The following CFAP69 variants were observed in gnomAD, a reference collection of about 807,000 sequenced individuals.
CFAP69 encodes the protein cilia- and flagella-associated protein 69.
CFAP69 carries 92 observed loss-of-function variants against 123.0 expected under a neutral mutation model. That is an observed-to-expected ratio of 0.75 (90% CI 0.63 to 0.89). The LOEUF is 0.89. Ranked by LOEUF, CFAP69 falls within the 40% of genes least tolerant of loss-of-function variation. The pLI, the probability that CFAP69 is intolerant of heterozygous loss-of-function variation, is 0.00. For missense variants in CFAP69, 1,067 were observed against 1,096.9 expected (o/e 0.97, Z 0.39); for synonymous variants, 380 against 364.3 (o/e 1.04, Z -0.49).
chr7:90,295,244 C>A (rs1422602731), intron 15 of CFAP69, among the ~76,000 whole-genome samples: 1 of 152,206 alleles, frequency 6.6e-6, no homozygotes, highest in African/African-American at 2.4e-5. Flanking sequence ...GGGCCTCTAA[C>A]TTCCTAAATC....
intron 1 of CFAP69, among the ~76,000 whole-genome samples, chr7:90,251,509 T>G (rs17865828): frequency 0.046 from 6,970 of 152,294 alleles, 215 homozygotes; most frequent in South Asian, 0.11. Flanking sequence ...TTGTCACATA[T>G]AGTCTGACCA....
In CFAP69 at chr7:90,286,372, C is replaced by T. The variant is rs2117132992; in HGVS notation, c.1629C>T (p.Gly543=). The T allele has an allele frequency of 6.2e-7, 1 of 1,611,628 alleles. No homozygotes were observed. Among genetic ancestry groups the T allele is most frequent in the South Asian group, 1.1e-5 (1 of 90,538 alleles). ...CTGATATATTACTTATCCTATCTGG[C>T]CTTTGTGAGAATCACATTCAAAGGA... ...IQSDILLILS[G]LCENHIQRKE... Residue 543 remains glycine (G), a synonymous_variant, in exon 14 of 23, where the codon GGC becomes GGT. Transcript: ENST00000389297.
rs1356862538 is a variant in CFAP69, at chr7:90,288,318, A to G, written c.1741A>G (p.Asn581Asp). 1 of 1,611,702 alleles carries G rather than the reference A, an allele frequency of 6.2e-7. No homozygotes were observed. The highest frequency in any genetic ancestry group is 2.2e-5 in the East Asian group (1 of 44,770). Residue 581 changes from asparagine (N) to aspartate (D), a missense_variant, in exon 15 of 23, where the codon AAT becomes GAT. Coordinates refer to ENST00000389297, the MANE Select transcript of CFAP69 (RefSeq NM_001039706.3). ...GAAGTTACAGAGTGGCTTAGGCTAT[A>G]ATGTACTTCTTTTTAGTACATTGGA... ...PRKLQSGLGY[N>D]VLLFSTLDSI...
At chr7:90,319,895 T>C in the CFAP69 span, 1 of 396,686 alleles carries the variant, frequency 2.5e-6, no homozygotes, top group East Asian at 3.6e-5. Flanking sequence ...TCTAAATTAC[T>C]GATTATCACA....
intron 12 of CFAP69, among the ~76,000 whole-genome samples, chr7:90,281,988 A>C (rs972422387): frequency 1.3e-5 from 2 of 152,120 alleles, no homozygotes; most frequent in African/African-American, 4.8e-5. Flanking sequence ...ACATTGAAAA[A>C]CTCTAAATCC....
At chr7:90,288,411 C>CA in intron 15 of CFAP69, 59 bp downstream of exon 15, 1 of 1,540,988 alleles carries the variant, frequency 6.5e-7, no homozygotes, top group Middle Eastern at 1.8e-4. Flanking sequence ...CACTTTACAA[C>CA]AGTGAGGATA....
intron 9 of CFAP69, 64 bp from the exon 10 acceptor site, chr7:90,277,009 C>A: frequency 9.0e-7 from 1 of 1,116,802 alleles, no homozygotes; most frequent in Non-Finnish European, 1.3e-6. Context: ...TAAATATGAG[C>A]ATCTGCATCA....
intron 21 of CFAP69, 98 bp downstream of exon 21, chr7:90,307,952 C>G: frequency 1.4e-6 from 1 of 708,430 alleles, no homozygotes; most frequent in Non-Finnish European, 2.3e-6. Context: ...TTCCTAGTGA[C>G]CTTTCCGTAC....
At chr7:90,314,713 GT>G (rs1794620389), downstream of CFAP69, among the ~76,000 whole-genome samples, 1 of 146,876 alleles carries the variant, frequency 6.8e-6, no homozygotes, top group African/African-American at 2.5e-5. Flanking sequence ...TTTTTTTACA[GT>G]TTGGTATTTT....
chr7:90,257,708 CT>C (rs1797817971), intron 2 of CFAP69, among the ~76,000 whole-genome samples: 2 of 152,054 alleles, frequency 1.3e-5, no homozygotes, highest in South Asian at 4.1e-4. Context: ...GAATTTCATT[CT>C]TTTTTATGGC....
chr7:90,300,311 T>A, intron 17 of CFAP69: 1 of 912,584 alleles, frequency 1.1e-6, no homozygotes, highest in Non-Finnish European at 1.3e-6. Flanking sequence ...AAAAAAAAAA[T>A]TAAAGTAGTT....
chr7:90,306,295 T>C (rs1197193035), intron 19 of CFAP69, among the ~76,000 whole-genome samples: 3 of 152,208 alleles, frequency 2.0e-5, no homozygotes, highest in Non-Finnish European at 2.9e-5. Context: ...TGCACAACTC[T>C]GCTCTTTTTT....
In CFAP69 at chr7:90,307,952, C is replaced by T. The variant is rs1156380226; in HGVS notation, c.2550+98C>T. On this transcript the variant is annotated intron_variant, in intron 21 of 22. Coordinates refer to ENST00000389297, the MANE Select transcript of CFAP69 (RefSeq NM_001039706.3). ...ATATTCATTCATTTTTTCCTAGTGA[C>T]CTTTCCGTACAATACCAGCACTATT... 5.6e-6 allele frequency: 4 copies of T among 708,312 alleles called. No homozygotes were observed. In the East Asian group the frequency reaches 1.2e-4, roughly 21 times the overall value. The allele number at this position is 708,312 out of a possible 1,614,324, so 43.9% of individuals were successfully genotyped here.
intron 4 of CFAP69, 77 bp from the exon 5 acceptor site, chr7:90,265,224 C>G: frequency 1.2e-6 from 1 of 840,554 alleles, no homozygotes; most frequent in Non-Finnish European, 2.0e-6. Context: ...GAAATGAACT[C>G]TCCCCCACTT....
At chr7:90,311,593 C>T (rs1334012491), downstream of CFAP69, among the ~76,000 whole-genome samples, 1 of 152,148 alleles carries the variant, frequency 6.6e-6, no homozygotes, top group African/African-American at 2.4e-5. Flanking sequence ...CATTTTCCTC[C>T]TTCTTCTTTC....
downstream of CFAP69, among the ~76,000 whole-genome samples, chr7:90,314,626 G>GA (rs933893928): frequency 8.3e-5 from 12 of 143,970 alleles, no homozygotes; most frequent in East Asian, 2.1e-4. Flanking sequence ...AAAAGAAAAA[G>GA]AAAAAAAAAT....
rs1032335426 is a variant in CFAP69 at position 90,247,160 on chromosome 7, G to GT, written c.120+1622dup. On this transcript the variant is annotated intron_variant, in intron 1 of 22. Transcript: ENST00000389297. ...AATCTTAGTGATCCTCAGCCTTCTT[G>GT]TTTTTTGCCTGTGGTTGTTTTTACA... Among the ~76,000 whole-genome samples, 88 of 152,242 alleles carry GT rather than the reference G, an allele frequency of 5.8e-4. 1 individual carries two copies. Among genetic ancestry groups the GT allele is most frequent in the Admixed American group, 1.2e-3 (19 of 15,300 alleles).
intron 19 of CFAP69, 151 bp from the exon 20 acceptor site, chr7:90,306,750 C>A: frequency 1.6e-6 from 1 of 620,892 alleles, no homozygotes. Context: ...CTGGTACCCT[C>A]AATCATTCCC....
Position 90,310,094 on chromosome 7 carries a change from G to C in CFAP69, c.2682G>C (p.Val894=). ...TTVPSGGVVT[V]ESTPARLVGG... Reference sequence around the variant, plus strand: ...TGCCCTCTGGTGGAGTAGTAACAGTGGAAAGCACTCCTGCCCGATTAGTAG... The same window carrying C: ...TGCCCTCTGGTGGAGTAGTAACAGTCGAAAGCACTCCTGCCCGATTAGTAG... The change falls in exon 23 of 23, where the codon GTG becomes GTC. Residue 894 remains valine (V), a synonymous_variant. Coordinates refer to ENST00000389297, the MANE Select transcript of CFAP69 (RefSeq NM_001039706.3). 1 of 1,612,902 alleles carries C rather than the reference G, an allele frequency of 6.2e-7. No individual in the cohort carries two copies.
Sources: allele counts gnomAD v4.1 joint callset (sites outside exome capture counted in the v4.1 genomes callset), GRCh38; gene constraint gnomAD v4.1.1; transcripts MANE v1.5; gene names NCBI Gene and HGNC (gene_info 2026-07-23, HGNC 2026-07-21).